The following PCDH15 variants were observed in gnomAD, a reference collection of about 807,000 sequenced individuals.
The protein encoded by PCDH15 is protocadherin-15.
PCDH15 carries 129 observed loss-of-function variants against 178.5 expected under a neutral mutation model. The observed-to-expected ratio is 0.72, with a 90% CI of 0.63 to 0.84. The LOEUF (loss-of-function observed/expected upper bound fraction) is 0.84, where lower values mean the gene tolerates loss of function less well. Among genes scored for constraint, PCDH15 ranks in the 40% least tolerant of loss-of-function variants. The pLI is 0.00. For synonymous variants in PCDH15, 800 were observed against 732.0 expected (o/e 1.09, Z -1.50); for missense variants, 2,230 against 2,099.9 (o/e 1.06, Z -1.21).
chr10:55,351,650 T>C (rs1183947233), intron 2 of PCDH15, among the ~76,000 whole-genome samples: 1 of 152,200 alleles, frequency 6.6e-6, no homozygotes, highest in Non-Finnish European at 1.5e-5. Flanking sequence ...ACTGTTTATC[T>C]CTTTGTCTGA....
At chr10:54,434,322 G>T (rs2136044766) in intron 3 of PCDH15, among the ~76,000 whole-genome samples, 1 of 152,214 alleles carries the variant, frequency 6.6e-6, no homozygotes, top group Admixed American at 6.5e-5. Context: ...AATGTCCTAG[G>T]CCTTCACATT....
chr10:55,561,749 C>A (rs1027796915), intron 2 of PCDH15, among the ~76,000 whole-genome samples: 2 of 151,688 alleles, frequency 1.3e-5, no homozygotes, highest in African/African-American at 4.8e-5. Flanking sequence ...TTCCAAGAGG[C>A]CAATAACTGA....
At chr10:54,446,503 C>G (rs1361918446) in intron 3 of PCDH15, among the ~76,000 whole-genome samples, 1 of 151,312 alleles carries the variant, frequency 6.6e-6, no homozygotes, top group Non-Finnish European at 1.5e-5. Context: ...CCTCTTATTT[C>G]TTTATCATTT....
rs202135373 is a variant in PCDH15 at position 54,407,118 on chromosome 10, G to A, written c.158-28176C>T. On this transcript the variant is annotated intron_variant, in intron 3 of 37. Coordinates refer to ENST00000644397, the MANE Select transcript of PCDH15 (RefSeq NM_001384140.1). ...CATGAATAAGTAATAATTACATGAA[G>A]TGCTCAATATCCACTGATAAAAATT... 3.0e-4 allele frequency among the ~76,000 whole-genome samples: 45 copies of A among 152,168 alleles called. No homozygotes were observed. In the East Asian group the frequency reaches 6.8e-3, roughly 23 times the overall value.
At chr10:53,819,614 ATCTT>A (rs1259541628) in intron 33 of PCDH15, among the ~76,000 whole-genome samples, 15 of 151,990 alleles carry the variant, frequency 9.9e-5, no homozygotes, top group African/African-American at 2.4e-4. Flanking sequence ...ATGTTTGGTC[ATCTT>A]TCTTAAGTCT....
chr10:55,238,825 G>A (rs1325387456), intron 1 of PCDH15, among the ~76,000 whole-genome samples: 1 of 152,022 alleles, frequency 6.6e-6, no homozygotes, highest in Non-Finnish European at 1.5e-5. Context: ...TAAGGTAACT[G>A]GGGTATCTAT....
chr10:55,485,375 C>G (rs1226309603), intron 2 of PCDH15, among the ~76,000 whole-genome samples: 3 of 151,576 alleles, frequency 2.0e-5, no homozygotes, highest in Non-Finnish European at 4.4e-5. Context: ...TGCAAAAATT[C>G]AAACAATTGC....
intron 20 of PCDH15, among the ~76,000 whole-genome samples, chr10:54,001,380 C>G (rs1358932774): frequency 6.6e-6 from 1 of 151,800 alleles, no homozygotes; most frequent in Non-Finnish European, 1.5e-5. Flanking sequence ...AATCACTTTT[C>G]AAGACATAGT....
chr10:53,938,865 T>C lies in PCDH15; in HGVS notation c.3323A>G (p.Gln1108Arg), dbSNP rs765111925. The C allele has an allele frequency of 6.2e-7, 1 of 1,613,648 alleles. No individual in the cohort carries two copies. Among genetic ancestry groups the C allele is most frequent in the South Asian group, 1.1e-5 (1 of 91,078 alleles). ...AAGGACCACTTCCAGGGAATCAGCT[T>C]GGACTCGAAGTACATAGCTTGTCCT... Reference protein sequence around the residue: ...ETRTSYVLRVQADSLEVVLAN... With the variant: ...ETRTSYVLRVRADSLEVVLAN... Residue 1108 changes from glutamine to arginine, a missense_variant, in exon 25 of 38, where the codon CAA (glutamine) becomes CGA (arginine). Gln to Arg is a conservative substitution (Grantham distance 43). Coordinates refer to ENST00000644397, the MANE Select transcript of PCDH15 (RefSeq NM_001384140.1).
chr10:55,114,730 C>A (rs1387033399), intron 2 of PCDH15, among the ~76,000 whole-genome samples: 1 of 152,162 alleles, frequency 6.6e-6, no homozygotes, highest in Non-Finnish European at 1.5e-5. Context: ...GAAAGAGCTA[C>A]AAGATGGAAA....
chr10:53,833,640 A>C (rs2077139589), intron 29 of PCDH15, among the ~76,000 whole-genome samples: 1 of 152,134 alleles, frequency 6.6e-6, no homozygotes, highest in Admixed American at 6.6e-5. Flanking sequence ...TATTCAAAGA[A>C]ACATGGCTAC....
At chr10:54,005,929 G>A (rs1262361197) in intron 20 of PCDH15, among the ~76,000 whole-genome samples, 1 of 152,016 alleles carries the variant, frequency 6.6e-6, no homozygotes, top group African/African-American at 2.4e-5. Context: ...ACAGAATAAT[G>A]GAGAAAGAAA....
chr10:54,594,664 C>A (rs545620781), intron 2 of PCDH15, among the ~76,000 whole-genome samples: 1 of 152,196 alleles, frequency 6.6e-6, no homozygotes, highest in African/African-American at 2.4e-5. Context: ...CATCTCTTTG[C>A]CTGTACATGT....
intron 13 of PCDH15, among the ~76,000 whole-genome samples, chr10:54,167,047 C>T (rs1023627807): frequency 3.3e-5 from 5 of 152,138 alleles, no homozygotes; most frequent in African/African-American, 9.7e-5. Flanking sequence ...GGACTCAGCC[C>T]GCCTGCACCT....
intron 2 of PCDH15, among the ~76,000 whole-genome samples, chr10:55,357,418 T>C (rs972157775): frequency 6.6e-6 from 1 of 151,896 alleles, no homozygotes; most frequent in Non-Finnish European, 1.5e-5. Context: ...ATCTCTAAGG[T>C]AGAAACTTTC....
At chr10:55,547,910 T>TGTGTGTGTGAGA (rs541144266) in intron 2 of PCDH15, among the ~76,000 whole-genome samples, 31 of 54,532 alleles carry the variant, frequency 5.7e-4, no homozygotes, top group Non-Finnish European at 7.4e-4. Flanking sequence ...TGTGTGTGTG[T>TGTGTGTGTGAGA]GAGAGAGAGA....
intron 2 of PCDH15, among the ~76,000 whole-genome samples, chr10:55,051,999 G>C (rs538465695): frequency 2.0e-5 from 3 of 151,672 alleles, no homozygotes; most frequent in Non-Finnish European, 4.4e-5. Context: ...TAAATGTGAG[G>C]ATACTGTAAA....
rs372661520 is a variant in PCDH15, at chr10:53,827,497, C to T, written c.4263G>A (p.Ala1421=). The T allele has an allele frequency of 1.2e-6, 2 of 1,614,070 alleles. No homozygotes were observed. The highest frequency in any genetic ancestry group is 8.5e-7 in the Non-Finnish European group (1 of 1,179,962). ...KTARIQAALP[A]AKPAVPAPAP... is the part of the protein sequence containing the mutation. ...CAGGAGCCGGCACTGCTGGTTTAGC[C>T]GCGGGTAATGCGGCCTGAATTCGTG... The change falls in exon 32 of 38, where the codon GCG becomes GCA. Residue 1421 remains alanine, a synonymous_variant. Coordinates refer to ENST00000644397, the MANE Select transcript of PCDH15 (RefSeq NM_001384140.1).
At chr10:55,605,557 T>C (rs1054143849) in intron 2 of PCDH15, among the ~76,000 whole-genome samples, 1 of 150,694 alleles carries the variant, frequency 6.6e-6, no homozygotes, top group African/African-American at 2.4e-5. Flanking sequence ...CATGATCAAG[T>C]GGGCTTCATC....
Sources: allele counts gnomAD v4.1 joint callset (sites outside exome capture counted in the v4.1 genomes callset), GRCh38; gene constraint gnomAD v4.1.1; transcripts MANE v1.5; gene names NCBI Gene and HGNC (gene_info 2026-07-23, HGNC 2026-07-21).